The following FRMPD3 variants were observed in gnomAD, a reference collection of about 807,000 sequenced individuals.
The protein encoded by FRMPD3 is FERM and PDZ domain-containing protein 3.
Under a neutral mutation model 97.9 loss-of-function variants are expected in FRMPD3, and 42 were observed. The observed-to-expected ratio is 0.43, with a 90% CI of 0.34 to 0.55. The LOEUF is 0.55. Among genes scored for constraint, FRMPD3 ranks in the 20% least tolerant of loss-of-function variants. FRMPD3 has a pLI of 0.03. For missense variants in FRMPD3, 1,303 were observed against 1,457.7 expected (o/e 0.89, Z 1.73); for synonymous variants, 577 against 581.1 (o/e 0.99, Z 0.10).
In FRMPD3 at chrX:107,485,352, G is replaced by A. The variant is rs1921478386; in HGVS notation, c.-8+35347G>A. On this transcript the variant is annotated intron_variant, in intron 1 of 14. Transcript: ENST00000683843. ...CAGGATTTTCTTTTCGGGAGAAGGG[G>A]TGGCTCTGGGGAAAAGATTGAGGCC... Among the ~76,000 whole-genome samples, 4 of 112,498 alleles carry A rather than the reference G, an allele frequency of 3.6e-5. No individual in the cohort carries two copies. The South Asian group carries it at 1.5e-3, about 42-fold the overall frequency.
At chrX:107,549,231 G>T (rs1207978365) in intron 5 of FRMPD3, among the ~76,000 whole-genome samples, 1 of 109,720 alleles carries the variant, frequency 9.1e-6, no homozygotes, top group Non-Finnish European at 1.9e-5. Flanking sequence ...GCTGAGGCAG[G>T]AGGATCACTT....
intron 13 of FRMPD3, among the ~76,000 whole-genome samples, chrX:107,580,152 C>T (rs1422492122): frequency 8.9e-6 from 1 of 112,208 alleles, no homozygotes; most frequent in Non-Finnish European, 1.9e-5. Context: ...TATTTTCAAA[C>T]ATAACTCCAG....
At chrX:107,466,417 T>C (rs1931563974) in intron 1 of FRMPD3, among the ~76,000 whole-genome samples, 1 of 112,422 alleles carries the variant, frequency 8.9e-6, no homozygotes, top group South Asian at 3.7e-4. Context: ...TGGAGCAGCT[T>C]TGGCCAGGCT....
At chrX:107,480,753 C>CG (rs890446716) in intron 1 of FRMPD3, among the ~76,000 whole-genome samples, 1 of 102,753 alleles carries the variant, frequency 9.7e-6, no homozygotes, top group African/African-American at 3.6e-5. Flanking sequence ...TGCTTGAACC[C>CG]GGGGGGCGGA....
At position 107,600,313 on chromosome X, in the gene FRMPD3, G is replaced by A. The variant is rs372062988; in HGVS notation, c.2274G>A (p.Val758=). 98 of 1,202,112 alleles carry A rather than the reference G, an allele frequency of 8.2e-5. No homozygotes were observed. Among genetic ancestry groups the A allele is most frequent in the Non-Finnish European group, 9.8e-5 (87 of 890,678 alleles). Residue 758 remains valine (V), a synonymous_variant, in exon 15 of 15, where the codon GTG becomes GTA. Transcript: ENST00000683843. The stretch of plus-strand genomic sequence containing the variant: ...TCCCTGTTCCTCCAGGTCTGATTGT[G>A]CTGGCCACAATCACTCCTGAATCAT... ...PPPPQTAGLI[V]LATITPESSL... is the part of the protein sequence containing the mutation.
chrX:107,531,092 C>T (rs1486270611), intron 3 of FRMPD3, among the ~76,000 whole-genome samples: 2 of 104,868 alleles, frequency 1.9e-5, no homozygotes, highest in Non-Finnish European at 3.9e-5. Context: ...CTTTACCTAT[C>T]CTTTACCCCT....
At chrX:107,469,969 A>G (rs1921014867) in intron 1 of FRMPD3, among the ~76,000 whole-genome samples, 3 of 111,581 alleles carry the variant, frequency 2.7e-5, no homozygotes, top group Admixed American at 1.9e-4. Flanking sequence ...AACGGTGGAC[A>G]CTCTGCCCCA....
At chrX:107,478,390 G>C (rs1392117560) in intron 1 of FRMPD3, among the ~76,000 whole-genome samples, 2 of 111,480 alleles carry the variant, frequency 1.8e-5, no homozygotes, top group African/African-American at 6.5e-5. Context: ...TAACACAGCT[G>C]ACAAGTGGCT....
In FRMPD3 at chrX:107,597,919, G is replaced by T; in HGVS notation, c.2040G>T (p.Glu680Asp). The change falls in exon 14 of 15, where the codon GAG becomes GAT. Residue 680 changes from glutamate (E) to aspartate (D), a missense_variant. Glu to Asp is a conservative substitution (Grantham distance 45). Coordinates refer to ENST00000683843, the MANE Select transcript of FRMPD3 (RefSeq NM_001388459.1). The part of the protein sequence containing the change: ...PPGFRDNSSD[E>D]DDPKRRAVQS... ...GTTTCCGAGACAACAGCTCTGATGAGGATGACCCCAAGCGCCGGGCTGTCC... is the reference window on the plus strand; with the variant it reads ...GTTTCCGAGACAACAGCTCTGATGATGATGACCCCAAGCGCCGGGCTGTCC... 8.3e-7 allele frequency: 1 copy of T among 1,210,670 alleles called. No individual in the cohort carries two copies. Among genetic ancestry groups the T allele is most frequent in the Non-Finnish European group, 1.1e-6 (1 of 895,342 alleles).
intron 2 of FRMPD3, among the ~76,000 whole-genome samples, chrX:107,529,775 A>G (rs1429023239): frequency 9.0e-6 from 1 of 111,333 alleles, no homozygotes; most frequent in African/African-American, 3.3e-5. Flanking sequence ...CCAGACTAGT[A>G]AGTATGAATA....
At chrX:107,518,233 G>T (rs1165496929) in intron 1 of FRMPD3, among the ~76,000 whole-genome samples, 2 of 112,003 alleles carry the variant, frequency 1.8e-5, no homozygotes, top group Non-Finnish European at 3.8e-5. Flanking sequence ...TGTGAAAAAT[G>T]AGGGAAGAGA....
At position 107,465,871 on chromosome X, in the gene FRMPD3, C is replaced by CA. The variant is rs746479163; in HGVS notation, c.-8+15877dup. Among the ~76,000 whole-genome samples, 434 of 94,922 alleles carry CA rather than the reference C, an allele frequency of 4.6e-3. 3 individuals are homozygous for CA. The highest frequency in any genetic ancestry group is 0.014 in the African/African-American group (370 of 25,913). The allele number at this position is 94,922 out of a possible 115,157, so 82.4% of individuals were successfully genotyped here. On this transcript the variant is annotated intron_variant, in intron 1 of 14. Coordinates refer to ENST00000683843, the MANE Select transcript of FRMPD3 (RefSeq NM_001388459.1). ...ATACTGGTCCTTTAAGCTGCTCTAC[C>CA]AAAAAAAAAAAGAAAAAAAAAATCC...
intron 1 of FRMPD3, among the ~76,000 whole-genome samples, chrX:107,487,103 A>AT (rs1474284659): frequency 1.4e-3 from 155 of 108,548 alleles, no homozygotes; most frequent in Non-Finnish European, 2.4e-3. Flanking sequence ...AAAAAAAAAA[A>AT]AATAACTGAG....
At chrX:107,550,194 C>T in intron 6 of FRMPD3, 38 bp downstream of exon 6, 1 of 893,209 alleles carries the variant, frequency 1.1e-6, no homozygotes, top group Non-Finnish European at 1.6e-6. Context: ...GCATTGCCCT[C>T]TCCAGAGTAC....
intron 1 of FRMPD3, among the ~76,000 whole-genome samples, chrX:107,521,575 C>T: frequency 8.9e-6 from 1 of 112,821 alleles, no homozygotes; most frequent in Non-Finnish European, 1.9e-5. Context: ...TACAAAAGGG[C>T]ACACAGAGCA....
intron 3 of FRMPD3, among the ~76,000 whole-genome samples, chrX:107,531,343 CCTCTCT>C (rs369827990): frequency 7.8e-5 from 8 of 102,176 alleles, no homozygotes; most frequent in East Asian, 6.2e-4. Context: ...TTTCTCTCTC[CCTCTCT>C]CTCTCTCTCT....
chrX:107,515,351 G>A lies in FRMPD3; in HGVS notation c.-7-11231G>A, dbSNP rs1474515196. ...GTCTGGAGGTAGTCCTAGAAGCCAGGAGAGGAGAATGTTTCGGCAAGGATG... is the reference window on the plus strand; with the variant it reads ...GTCTGGAGGTAGTCCTAGAAGCCAGAAGAGGAGAATGTTTCGGCAAGGATG... On this transcript the variant is annotated intron_variant, in intron 1 of 14. Transcript: ENST00000683843. Among the ~76,000 whole-genome samples the A allele has an allele frequency of 2.7e-5, 3 of 111,483 alleles. No individual in the cohort carries two copies. The Admixed American group carries it at 2.9e-4, about 11-fold the overall frequency.
At chrX:107,547,506 A>G (rs1054359363) in intron 5 of FRMPD3, among the ~76,000 whole-genome samples, 7 of 111,839 alleles carry the variant, frequency 6.3e-5, no homozygotes, top group Non-Finnish European at 1.3e-4. Flanking sequence ...TGCAAATGCC[A>G]CAGAGTAGCT....
chrX:107,498,486 G>A (rs759809033), intron 1 of FRMPD3, among the ~76,000 whole-genome samples: 1 of 111,857 alleles, frequency 8.9e-6, no homozygotes, highest in African/African-American at 3.2e-5. Flanking sequence ...TAATTTAGGG[G>A]GCAGACTGTG....
Sources: allele counts gnomAD v4.1 joint callset (sites outside exome capture counted in the v4.1 genomes callset), GRCh38; gene constraint gnomAD v4.1.1; transcripts MANE v1.5; gene names NCBI Gene and HGNC (gene_info 2026-07-23, HGNC 2026-07-21).